Variants in PLEKHM3 observed in about 807,000 individuals in gnomAD.
The protein encoded by PLEKHM3 is pleckstrin homology domain containing M3.
Under a neutral mutation model 81.8 loss-of-function variants are expected in PLEKHM3, and 45 were observed. The ratio of observed to expected loss-of-function variants is 0.55; its 90% CI spans 0.43 to 0.71. The LOEUF (loss-of-function observed/expected upper bound fraction) is 0.71. PLEKHM3 is among the 30% of genes least tolerant of loss of function. The pLI is 0.00. For missense variants in PLEKHM3, 788 were observed against 924.3 expected, an observed-to-expected ratio of 0.85 and a Z score of 1.91; for synonymous variants, 352 against 356.4, an observed-to-expected ratio of 0.99 and a Z score of 0.14.
intron 7 of PLEKHM3, among the ~76,000 whole-genome samples, chr2:207,852,988 C>G (rs2092420406): frequency 6.6e-6 from 1 of 152,194 alleles, no homozygotes; most frequent in Admixed American, 6.5e-5. Context: ...TCCAGGTCCA[C>G]CCCGCTACTG....
chr2:207,953,603 ACATGGTGAAACCTCTACTAAAAACAG>A (rs1225310043), intron 3 of PLEKHM3, among the ~76,000 whole-genome samples: 2 of 152,120 alleles, frequency 1.3e-5, no homozygotes, highest in Non-Finnish European at 1.5e-5. Flanking sequence ...AGCCTAGCCA[ACATGGTGAAACCTCTACTAAAAACAG>A]CATGGTGAAA....
chr2:207,939,537 T>C (rs1273776042), intron 4 of PLEKHM3, among the ~76,000 whole-genome samples: 1 of 152,188 alleles, frequency 6.6e-6, no homozygotes, highest in Non-Finnish European at 1.5e-5. Context: ...GTATTTGTCC[T>C]GTATACAATT....
At chr2:207,995,983 G>A (rs747690453) in intron 2 of PLEKHM3, among the ~76,000 whole-genome samples, 35 of 152,236 alleles carry the variant, frequency 2.3e-4, no homozygotes, top group South Asian at 1.0e-3. Flanking sequence ...TGCCAACTTC[G>A]GACAGACTAA....
chr2:207,865,797 A>ATATATAT (rs1559212735), intron 6 of PLEKHM3, among the ~76,000 whole-genome samples: 4 of 38,110 alleles, frequency 1.0e-4, no homozygotes, highest in African/African-American at 5.4e-4. Context: ...AAAAAAAAAA[A>ATATATAT]AAAAAGATAT....
chr2:208,006,856 G>C (rs971212254), intron 1 of PLEKHM3, among the ~76,000 whole-genome samples: 2 of 152,150 alleles, frequency 1.3e-5, no homozygotes, highest in African/African-American at 4.8e-5. Flanking sequence ...AAATAAAAGA[G>C]CTCAACCCAA....
chr2:207,836,778 C>G (rs540405538), intron 7 of PLEKHM3, among the ~76,000 whole-genome samples: 2 of 152,316 alleles, frequency 1.3e-5, no homozygotes, highest in East Asian at 3.9e-4. Flanking sequence ...GGGTTCTTCT[C>G]CTGCTGCATT....
chr2:207,860,871 A>C lies in PLEKHM3; in HGVS notation c.2108+234T>G, dbSNP rs139100844. On this transcript the variant is annotated intron_variant, in intron 7 of 7. Coordinates refer to ENST00000427836, the MANE Select transcript of PLEKHM3 (RefSeq NM_001080475.3). ...CTCTGTTACCTAATAAGGCAGAGTT[A>C]GGCAATGTTTCTTTGCAGCTCTGTT... 8.7e-3 allele frequency among the ~76,000 whole-genome samples: 1,326 copies of C among 152,310 alleles called. 18 individuals are homozygous for C. The highest frequency in any genetic ancestry group is 0.03 in the African/African-American group (1,230 of 41,568).
chr2:207,827,276 C>G lies in PLEKHM3; in HGVS notation c.*1043G>C, dbSNP rs2092256427. ...GGTCGAAATGAAAGTGCAGGAAGAA[C>G]AACGAGAAATAAAGCACTTAAAATG... On this transcript the variant is annotated 3_prime_UTR_variant, in exon 8 of 8. Coordinates refer to ENST00000427836, the MANE Select transcript of PLEKHM3 (RefSeq NM_001080475.3). 6.6e-6 allele frequency: 1 copy of G among 151,656 alleles called. No individual in the cohort carries two copies. The highest frequency in any genetic ancestry group is 2.1e-4 in the South Asian group (1 of 4,738). The allele number at this position is 151,656 out of a possible 1,614,324, so 9.4% of individuals were successfully genotyped here. A position where few individuals can be genotyped will look rare whatever the true frequency, so the allele number is the denominator to read the frequency against.
At chr2:207,853,692 C>T (rs573290031) in intron 7 of PLEKHM3, among the ~76,000 whole-genome samples, 3 of 152,212 alleles carry the variant, frequency 2.0e-5, no homozygotes, top group South Asian at 4.1e-4. Context: ...CGAGATCATG[C>T]CACTGCACTC....
chr2:207,828,516 A>G lies in PLEKHM3; in HGVS notation c.2109-20T>C. 6.2e-7 allele frequency: 1 copy of G among 1,610,584 alleles called. No homozygotes were observed. Among genetic ancestry groups the G allele is most frequent in the African/African-American group, 1.3e-5 (1 of 74,922 alleles). The stretch of plus-strand genomic sequence containing the variant: ...TCACACCTGCAAAAGTCAACCATGG[A>G]TATGATGAGCAAGACTGAAGCCAGC... On this transcript the variant is annotated intron_variant, in intron 7 of 7. Transcript: ENST00000427836.
intron 2 of PLEKHM3, among the ~76,000 whole-genome samples, chr2:207,982,589 T>A (rs1023318675): frequency 1.3e-5 from 2 of 150,744 alleles, no homozygotes; most frequent in Admixed American, 6.6e-5. Flanking sequence ...TTTTTTTTTT[T>A]TTTTTTGAGA....
intron 1 of PLEKHM3, among the ~76,000 whole-genome samples, chr2:208,002,633 G>A (rs893108688): frequency 6.6e-6 from 1 of 152,122 alleles, no homozygotes; most frequent in Non-Finnish European, 1.5e-5. Context: ...CTGAATGGCA[G>A]GCTTGAGTTC....
At chr2:207,829,000 AC>A in intron 7 of PLEKHM3, among the ~76,000 whole-genome samples, 1 of 152,200 alleles carries the variant, frequency 6.6e-6, no homozygotes, top group Non-Finnish European at 1.5e-5. Flanking sequence ...ATAAAATGAC[AC>A]ATTTTCATTT....
At chr2:207,929,174 GA>G (rs1173030488) in intron 5 of PLEKHM3, among the ~76,000 whole-genome samples, 3 of 152,182 alleles carry the variant, frequency 2.0e-5, no homozygotes, top group Non-Finnish European at 4.4e-5. Flanking sequence ...AAATGAAGGG[GA>G]AAAATGCTGT....
At chr2:207,858,600 C>G (rs533768305) in intron 7 of PLEKHM3, among the ~76,000 whole-genome samples, 2 of 151,956 alleles carry the variant, frequency 1.3e-5, no homozygotes, top group South Asian at 4.2e-4. Flanking sequence ...TGTGCCTCAG[C>G]CTCCTGAGTA....
intron 2 of PLEKHM3, among the ~76,000 whole-genome samples, chr2:207,992,059 G>A (rs530119542): frequency 1.2e-4 from 18 of 152,350 alleles, no homozygotes; most frequent in African/African-American, 4.1e-4. Flanking sequence ...ACTTGGCCAA[G>A]GTTATACCAC....
intron 7 of PLEKHM3, among the ~76,000 whole-genome samples, chr2:207,835,233 G>A (rs1025627129): frequency 3.9e-5 from 6 of 152,042 alleles, no homozygotes; most frequent in East Asian, 1.9e-4. Flanking sequence ...GTGAGCCACC[G>A]TACCCTGCCG....
intron 3 of PLEKHM3, among the ~76,000 whole-genome samples, chr2:207,974,948 A>G (rs1336243320): frequency 6.6e-6 from 1 of 151,724 alleles, no homozygotes; most frequent in African/African-American, 2.4e-5. Context: ...TCTCCTGCTC[A>G]GCCTCCCGAG....
rs563426938 is a variant in PLEKHM3 at position 208,001,431 on chromosome 2, C to T, written c.209G>A (p.Gly70Asp). Residue 70 changes from glycine (G) to aspartate (D), a missense_variant, in exon 2 of 8, where the codon GGC (glycine) becomes GAC (aspartate). Physicochemically the swap from Gly to Asp is moderately conservative, Grantham distance 94. Coordinates refer to ENST00000427836, the MANE Select transcript of PLEKHM3 (RefSeq NM_001080475.3). Reference protein sequence around the residue: ...MRNVTSLGKGGMIWDHCKSRL... With the variant: ...MRNVTSLGKGDMIWDHCKSRL... ...GCTCTTACAGTGGTCCCAAATCATG[C>T]CCCCCTTGCCCAGGGAGGTGACATT... 7.4e-6 allele frequency: 12 copies of T among 1,614,036 alleles called. No homozygotes were observed. In the African/African-American group the frequency reaches 8.0e-5, roughly 11 times the overall value.
Sources: gnomAD v4.1 joint callset for allele counts (sites outside exome capture counted in the v4.1 genomes callset) on GRCh38, gnomAD v4.1.1 for gene constraint, MANE v1.5 for transcripts, NCBI Gene and HGNC (gene_info 2026-07-23, HGNC 2026-07-21) for gene names.